CHUK: variants seen among roughly 807,000 people sequenced by gnomAD.
CHUK encodes inhibitor of nuclear factor kappa-B kinase subunit alpha.
A neutral mutation model predicts 104.8 loss-of-function variants in CHUK; 35 were observed. That is an observed-to-expected ratio of 0.33 (90% confidence interval 0.26 to 0.44). The LOEUF (loss-of-function observed/expected upper bound fraction) is 0.44, where lower values mean the gene tolerates loss of function less well. CHUK is among the 20% of genes least tolerant of loss of function. The probability of loss-of-function intolerance (pLI) is 1.00; values close to 1 mark genes in which losing one functional copy is unlikely to be tolerated. For missense variants in CHUK, 663 were observed against 902.7 expected (o/e 0.73, Z 3.40); for synonymous variants, 276 against 291.9 (o/e 0.95, Z 0.56).
chr10:100,203,250 A>G (rs1178749374), intron 13 of CHUK, among the ~76,000 whole-genome samples: 3 of 152,128 alleles, frequency 2.0e-5, no homozygotes, highest in Non-Finnish European at 4.4e-5. Flanking sequence ...TTTTCCCACA[A>G]TTTAAAACTG....
chr10:100,220,482 G>A lies in CHUK; in HGVS notation c.474+106C>T. 4 of 820,550 alleles carry A rather than the reference G, an allele frequency of 4.9e-6. No homozygotes were observed. In the South Asian group the frequency reaches 5.5e-5, roughly 11 times the overall value. 50.8% of individuals were successfully genotyped at this position (820,550 alleles called of 1,614,324 possible). A position where few individuals can be genotyped will look rare whatever the true frequency, so the allele number is the denominator to read the frequency against. On this transcript the variant is annotated intron_variant, in intron 5 of 20. Transcript: ENST00000370397. Reference sequence around the variant, plus strand: ...TGTGGTGAGGTCTGAAATGGAAAAAGTAAGACTGTTATGGGCATACAGCAA... The same window carrying A: ...TGTGGTGAGGTCTGAAATGGAAAAAATAAGACTGTTATGGGCATACAGCAA...
intron 2 of CHUK, among the ~76,000 whole-genome samples, chr10:100,223,365 G>A (rs1846033196): frequency 6.6e-6 from 1 of 152,178 alleles, no homozygotes; most frequent in Non-Finnish European, 1.5e-5. Flanking sequence ...GTTCTAGGCT[G>A]GGTGTAGTTG....
At chr10:100,194,756 TA>T (rs1195001490) in intron 16 of CHUK, 4 of 330,484 alleles carry the variant, frequency 1.2e-5, no homozygotes, top group Non-Finnish European at 1.7e-5. Context: ...AATTTATCAG[TA>T]AGAGACCTTA....
Position 100,214,168 on chromosome 10 carries a change from G to A in CHUK, c.933+3827C>T, listed in dbSNP as rs151126929. ...TGGCATCTCACTACCAAAGCTCCAG[G>A]CCAGAAGGAAGCAAAAGAAAGAAGA... On this transcript the variant is annotated intron_variant, in intron 9 of 20. Coordinates refer to ENST00000370397, the MANE Select transcript of CHUK (RefSeq NM_001278.5). 3.4e-4 allele frequency among the ~76,000 whole-genome samples: 52 copies of A among 152,178 alleles called. No homozygotes were observed. In the East Asian group the frequency reaches 9.3e-3, roughly 27 times the overall value.
chr10:100,193,538 T>C (rs573683279), intron 18 of CHUK, 107 bp from the exon 19 acceptor site: 28 of 1,267,754 alleles, frequency 2.2e-5, no homozygotes, highest in Non-Finnish European at 3.1e-5. Context: ...ACTACTTATA[T>C]GCACAACCAG....
intron 1 of CHUK, among the ~76,000 whole-genome samples, chr10:100,228,993 G>GCA (rs59218517): frequency 0.12 from 15,380 of 133,362 alleles, 841 homozygotes; most frequent in South Asian, 0.16. Flanking sequence ...GCGCGCGCGC[G>GCA]CACACACACA....
Position 100,194,442 on chromosome 10 carries a change from C to T in CHUK, c.1809G>A (p.Glu603=). ...TTTCCTACCTCAAATGACCAAACAG[C>T]TCCTTGAGCACACGGTCCTGACTCT... The part of the protein sequence containing the change: ...TVQSQDRVLK[E]LFGHLSKLLG... Residue 603 remains glutamate, a synonymous_variant, in exon 17 of 21, where the codon GAG becomes GAA. Transcript: ENST00000370397. 6.2e-7 allele frequency: 1 copy of T among 1,612,472 alleles called. No homozygotes were observed.
chr10:100,225,012 G>A (rs1157136310), intron 2 of CHUK, among the ~76,000 whole-genome samples: 1 of 151,430 alleles, frequency 6.6e-6, no homozygotes, highest in African/African-American at 2.4e-5. Flanking sequence ...ACCACACATA[G>A]CTAGTTTTTA....
intron 9 of CHUK, among the ~76,000 whole-genome samples, chr10:100,211,681 G>C (rs550059738): frequency 6.6e-6 from 1 of 152,184 alleles, no homozygotes; most frequent in Admixed American, 6.5e-5. Context: ...TCTTAAGGTT[G>C]AATACTATTC....
In CHUK at chr10:100,229,503, G is replaced by T; in HGVS notation, c.30C>A (p.Gly10=). The part of the protein sequence containing the change: MERPPGLRP[G]AGGPWEMRER... ...CCCGCATCTCCCAGGGCCCGCCCGC[G>T]CCCGGCCGCAGCCCCGGGGGCCGCT... The change falls in exon 1 of 21, where the codon GGC becomes GGA. Residue 10 remains glycine (G), a synonymous_variant. Coordinates refer to ENST00000370397, the MANE Select transcript of CHUK (RefSeq NM_001278.5). The T allele has an allele frequency of 6.4e-7, 1 of 1,571,014 alleles. No homozygotes were observed.
intron 9 of CHUK, among the ~76,000 whole-genome samples, chr10:100,213,682 T>C (rs1845787280): frequency 6.6e-6 from 1 of 151,998 alleles, no homozygotes; most frequent in African/African-American, 2.4e-5. Flanking sequence ...CCACCATCCC[T>C]GGCTAATTTT....
rs756034210 is a variant in CHUK at position 100,189,642 on chromosome 10, GA to G, written c.2209-16del. 4 of 1,605,132 alleles carry G rather than the reference GA, an allele frequency of 2.5e-6. No homozygotes were observed. In the African/African-American group the frequency reaches 4.0e-5, roughly 16 times the overall value. On this transcript the variant is annotated splice_polypyrimidine_tract_variant and intron_variant, in intron 20 of 20. Coordinates refer to ENST00000370397, the MANE Select transcript of CHUK (RefSeq NM_001278.5). Reference sequence around the variant, plus strand: ...CAATCAAGATTCTAAAACCAGGCATGAAAAAGTTACAATTAGATGTTGACTA... The same window carrying G: ...CAATCAAGATTCTAAAACCAGGCATGAAAAGTTACAATTAGATGTTGACTA...
Position 100,196,385 on chromosome 10 carries a change from GTTTTTTT to G in CHUK, c.1730-1871_1730-1865del, listed in dbSNP as rs34375161. 1.0e-4 allele frequency among the ~76,000 whole-genome samples: 13 copies of G among 128,206 alleles called. No homozygotes were observed. The East Asian group carries it at 1.3e-3, about 13-fold the overall frequency. 84.1% of individuals were successfully genotyped at this position (128,206 alleles called of 152,430 possible). ...CACAGGTTTTTCATTTCTGCTCTGG[GTTTTTTT>G]TTTTTTTTTTTTTAAGAAAGTCTTG... On this transcript the variant is annotated intron_variant, in intron 16 of 20. Transcript: ENST00000370397.
At position 100,200,834 on chromosome 10, in the gene CHUK, GA is replaced by G. The variant is rs1845444670; in HGVS notation, c.1570-55del. ...TGAAAGGCTTACCACTACATCATAG[GA>G]AACAAAATTCAGATCTTAAGGATAC... On this transcript the variant is annotated intron_variant, in intron 14 of 20. Coordinates refer to ENST00000370397, the MANE Select transcript of CHUK (RefSeq NM_001278.5). The G allele has an allele frequency of 3.1e-6, 3 of 952,496 alleles. No individual in the cohort carries two copies. In the African/African-American group the frequency reaches 4.8e-5, roughly 15 times the overall value. The allele number at this position is 952,496 out of a possible 1,614,324, so 59.0% of individuals were successfully genotyped here. A position where few individuals can be genotyped will look rare whatever the true frequency, so the allele number is the denominator to read the frequency against.
rs144642900 is a variant in CHUK at position 100,200,012 on chromosome 10, C to T, written c.1688G>A (p.Arg563His). 3.2e-5 allele frequency: 52 copies of T among 1,611,218 alleles called. No homozygotes were observed. The African/African-American group carries it at 4.4e-4, about 14-fold the overall frequency. Residue 563 changes from arginine to histidine, a missense_variant, in exon 16 of 21, where the codon CGT becomes CAT. Around this residue, in one of 5 missense-constraint regions of CHUK, gnomAD observed 311 missense variants for 393.4 expected, o/e 0.79. Coordinates refer to ENST00000370397, the MANE Select transcript of CHUK (RefSeq NM_001278.5). Reference sequence around the variant, plus strand: ...TAACTGCTTATATAGATCAATGGCACGCTGTTCCCTATAAAAGAGAAAACA... The same window carrying T: ...TAACTGCTTATATAGATCAATGGCATGCTGTTCCCTATAAAAGAGAAAACA... ...QGDLMESLEQ[R>H]AIDLYKQLKH...
intron 2 of CHUK, among the ~76,000 whole-genome samples, chr10:100,224,315 G>C (rs1846056957): frequency 6.6e-6 from 1 of 152,162 alleles, no homozygotes; most frequent in Non-Finnish European, 1.5e-5. Context: ...AATATCCTGA[G>C]ATGTCTCAGG....
intron 9 of CHUK, among the ~76,000 whole-genome samples, chr10:100,211,276 A>G (rs1274224210): frequency 6.6e-6 from 1 of 151,732 alleles, no homozygotes; most frequent in African/African-American, 2.4e-5. Context: ...TCTTTTACAT[A>G]TTTTATTTTG....
In CHUK at chr10:100,219,368, T is replaced by C; in HGVS notation, c.475-9A>G. ...ATTATTTTATGTATTATCTGCAAAA[T>C]AATAAGACAGATTAAGTATTAAATG... On this transcript the variant is annotated splice_polypyrimidine_tract_variant and intron_variant, in intron 5 of 20. Transcript: ENST00000370397. 1 of 1,350,776 alleles carries C rather than the reference T, an allele frequency of 7.4e-7. No individual in the cohort carries two copies. The highest frequency in any genetic ancestry group is 1.2e-5 in the South Asian group (1 of 85,690). The allele number at this position is 1,350,776 out of a possible 1,614,324, so 83.7% of individuals were successfully genotyped here.
chr10:100,216,879 G>GCATGGTTA (rs1845867789), intron 9 of CHUK, among the ~76,000 whole-genome samples: 1 of 152,138 alleles, frequency 6.6e-6, no homozygotes, highest in South Asian at 2.1e-4. Flanking sequence ...AGGAAGGGTA[G>GCATGGTTA]GGTGGGTGAT....
Sources: allele counts gnomAD v4.1 joint callset (sites outside exome capture counted in the v4.1 genomes callset), GRCh38; gene constraint gnomAD v4.1.1; regional missense constraint gnomAD v4.1.1; transcripts MANE v1.5; gene names NCBI Gene and HGNC (gene_info 2026-07-23, HGNC 2026-07-21).